The following KLHL1 variants were observed in gnomAD, a reference collection of about 807,000 sequenced individuals.
KLHL1 encodes kelch-like protein 1.
A neutral mutation model predicts 77.7 loss-of-function variants in KLHL1; 47 were observed. The observed-to-expected ratio is 0.60, with a 90% CI of 0.48 to 0.77. The LOEUF (loss-of-function observed/expected upper bound fraction) is 0.77, where lower values mean the gene tolerates loss of function less well. Among genes scored for constraint, KLHL1 ranks in the 30% least tolerant of loss-of-function variants. The pLI is 0.00. For synonymous variants in KLHL1, 360 were observed against 325.2 expected (o/e 1.11, Z -1.15); for missense variants, 925 against 910.8 (o/e 1.02, Z -0.20).
At chr13:70,008,894 T>A (rs1885466532) in intron 1 of KLHL1, among the ~76,000 whole-genome samples, 1 of 152,124 alleles carries the variant, frequency 6.6e-6, no homozygotes, top group South Asian at 2.1e-4. Context: ...ACCTCAAAAA[T>A]GGATCAATAT....
At chr13:70,063,722 A>T (rs2472289) in intron 1 of KLHL1, among the ~76,000 whole-genome samples, 55,492 of 151,942 alleles carry the variant, frequency 0.37, 11,581 homozygotes, top group African/African-American at 0.58. Context: ...ATATTTTTTT[A>T]AAAAATGCAT....
At chr13:69,771,354 T>C (rs2137982958) in intron 7 of KLHL1, among the ~76,000 whole-genome samples, 1 of 152,164 alleles carries the variant, frequency 6.6e-6, no homozygotes, top group Non-Finnish European at 1.5e-5. Context: ...ATATTTAAAG[T>C]TGGCTTAAGC....
At chr13:70,076,204 G>A (rs561684924) in intron 1 of KLHL1, among the ~76,000 whole-genome samples, 11 of 151,904 alleles carry the variant, frequency 7.2e-5, no homozygotes, top group South Asian at 2.1e-4. Context: ...AGGTAAAGTC[G>A]GAGGATTGAC....
chr13:70,023,002 T>C (rs1438258128), intron 1 of KLHL1, among the ~76,000 whole-genome samples: 1 of 151,996 alleles, frequency 6.6e-6, no homozygotes, highest in Non-Finnish European at 1.5e-5. Context: ...GCATAACACA[T>C]GCATATCCTC....
chr13:69,799,931 A>G (rs1877300660), intron 6 of KLHL1, among the ~76,000 whole-genome samples: 1 of 152,164 alleles, frequency 6.6e-6, no homozygotes, highest in Non-Finnish European at 1.5e-5. Flanking sequence ...CGCAAACCCT[A>G]TTGTGAACTG....
intron 4 of KLHL1, among the ~76,000 whole-genome samples, chr13:69,930,409 C>T (rs971125992): frequency 3.3e-5 from 5 of 151,762 alleles, no homozygotes; most frequent in Non-Finnish European, 3.0e-5. Flanking sequence ...CAAATGCACA[C>T]CACATCATTG....
At chr13:70,026,705 TGTGTGTGTGTGTGTGTG>T in intron 1 of KLHL1, among the ~76,000 whole-genome samples, 1 of 121,186 alleles carries the variant, frequency 8.3e-6, no homozygotes, top group East Asian at 2.0e-4. Context: ...GAACTTAGGG[TGTGTGTGTGTGTGTGTG>T]TGTGTGTGTG....
chr13:69,860,761 A>G (rs1880120290), intron 5 of KLHL1, among the ~76,000 whole-genome samples: 1 of 151,500 alleles, frequency 6.6e-6, no homozygotes, highest in Non-Finnish European at 1.5e-5. Context: ...GATGAACAAT[A>G]ATAGATAATA....
chr13:70,033,187 A>G (rs1886149191), intron 1 of KLHL1, among the ~76,000 whole-genome samples: 1 of 152,186 alleles, frequency 6.6e-6, no homozygotes, highest in Non-Finnish European at 1.5e-5. Flanking sequence ...AAAAGGTATT[A>G]TCTGCTTTAC....
At chr13:70,011,034 A>C (rs1286651979) in intron 1 of KLHL1, among the ~76,000 whole-genome samples, 1 of 152,074 alleles carries the variant, frequency 6.6e-6, no homozygotes, top group South Asian at 2.1e-4. Flanking sequence ...AATAAATTCA[A>C]GTTTCATAAT....
At chr13:69,766,341 C>T (rs961843610) in intron 7 of KLHL1, among the ~76,000 whole-genome samples, 1 of 151,788 alleles carries the variant, frequency 6.6e-6, no homozygotes, top group African/African-American at 2.4e-5. Flanking sequence ...TGTTGAGTTC[C>T]TGTATTTGTC....
At position 69,720,023 on chromosome 13, in the gene KLHL1, TC is replaced by T. The variant is rs1216982959; in HGVS notation, c.1803-443del. 1.3e-5 allele frequency among the ~76,000 whole-genome samples: 2 copies of T among 152,076 alleles called. 1 individual carries two copies. The highest frequency in any genetic ancestry group is 2.9e-5 in the Non-Finnish European group (2 of 68,018). The stretch of plus-strand genomic sequence containing the variant: ...TGTAACACATGCCTGCACCTTGTGT[TC>T]CATCCTCACAGTTTAGAACAATAAA... On this transcript the variant is annotated intron_variant, in intron 8 of 10. Transcript: ENST00000377844.
intron 7 of KLHL1, among the ~76,000 whole-genome samples, chr13:69,781,518 T>C (rs1409006361): frequency 6.6e-6 from 1 of 152,160 alleles, no homozygotes; most frequent in Non-Finnish European, 1.5e-5. Flanking sequence ...AAAAGCCTCA[T>C]ATCCATCTGA....
chr13:70,073,364 C>T (rs993134049), intron 1 of KLHL1, among the ~76,000 whole-genome samples: 1 of 151,964 alleles, frequency 6.6e-6, no homozygotes, highest in Non-Finnish European at 1.5e-5. Flanking sequence ...ACAAGGAGAA[C>T]ACTTGGACAC....
intron 4 of KLHL1, among the ~76,000 whole-genome samples, chr13:69,938,398 T>G (rs1883249476): frequency 6.6e-6 from 1 of 152,136 alleles, no homozygotes; most frequent in Non-Finnish European, 1.5e-5. Flanking sequence ...TTTTCTGTTT[T>G]AAATATATTT....
chr13:70,043,404 T>C (rs1468166857), intron 1 of KLHL1, among the ~76,000 whole-genome samples: 1 of 152,134 alleles, frequency 6.6e-6, no homozygotes, highest in Non-Finnish European at 1.5e-5. Flanking sequence ...CAATTTATTA[T>C]TGAAGAAAGA....
intron 1 of KLHL1, among the ~76,000 whole-genome samples, chr13:70,072,820 A>T (rs1355066600): frequency 2.6e-5 from 4 of 151,404 alleles, no homozygotes; most frequent in East Asian, 1.9e-4. Flanking sequence ...ACTTTTATTT[A>T]AAAAAAAACT....
chr13:69,980,583 A>T (rs1382104767), intron 1 of KLHL1, among the ~76,000 whole-genome samples: 1 of 152,182 alleles, frequency 6.6e-6, no homozygotes, highest in Non-Finnish European at 1.5e-5. Context: ...AACCTGCACA[A>T]CACACTGATA....
In KLHL1 at chr13:69,866,171, C is replaced by T. The variant is rs182371688; in HGVS notation, c.1227+16112G>A. Among the ~76,000 whole-genome samples, 329 of 152,046 alleles carry T rather than the reference C, an allele frequency of 2.2e-3. 1 individual carries two copies. The highest frequency in any genetic ancestry group is 7.2e-3 in the African/African-American group (299 of 41,486). On this transcript the variant is annotated intron_variant, in intron 5 of 10. Transcript: ENST00000377844. ...AGAGTACAGCACTTATGCTGAATTG[C>T]GGCAAATTGAGAAGTTGTTTAATGG...
Sources: allele counts gnomAD v4.1 joint callset (sites outside exome capture counted in the v4.1 genomes callset), GRCh38; gene constraint gnomAD v4.1.1; transcripts MANE v1.5; gene names NCBI Gene and HGNC (gene_info 2026-07-23, HGNC 2026-07-21).